Variants in ESR2 observed in about 807,000 individuals in gnomAD.
The protein encoded by ESR2 is estrogen receptor beta.
A neutral mutation model predicts 49.6 loss-of-function variants in ESR2; 36 were observed. The ratio of observed to expected loss-of-function variants is 0.73; its 90% confidence interval spans 0.56 to 0.96. ESR2 has a LOEUF of 0.96. Ranked by LOEUF, ESR2 falls within the 40% of genes least tolerant of loss-of-function variation. ESR2 has a pLI of 0.00. For synonymous variants in ESR2, 320 were observed against 266.1 expected (o/e 1.20, Z -1.97); for missense variants, 714 against 693.0 (o/e 1.03, Z -0.34).
intron 3 of ESR2, among the ~76,000 whole-genome samples, chr14:64,273,172 A>G (rs2076483847): frequency 6.6e-6 from 1 of 152,082 alleles, no homozygotes; most frequent in South Asian, 2.1e-4. Context: ...TAGAAATGCT[A>G]CTGATCCTGC....
intron 1 of ESR2, among the ~76,000 whole-genome samples, chr14:64,290,911 T>C (rs1335800412): frequency 6.6e-6 from 1 of 152,134 alleles, no homozygotes; most frequent in African/African-American, 2.4e-5. Flanking sequence ...CTTATTTAGT[T>C]GGATAGGAAA....
At chr14:64,316,711 AG>A (rs2077260435) in intron 1 of ESR2, among the ~76,000 whole-genome samples, 1 of 152,108 alleles carries the variant, frequency 6.6e-6, no homozygotes, top group Non-Finnish European at 1.5e-5. Flanking sequence ...TTGTAGGCTG[AG>A]GCAAGAGAAT....
chr14:64,284,383 A>G (rs557738595), intron 1 of ESR2, among the ~76,000 whole-genome samples: 1 of 151,264 alleles, frequency 6.6e-6, no homozygotes, highest in Non-Finnish European at 1.5e-5. Flanking sequence ...CTGGAGTGCA[A>G]TGGCGCCATA....
At chr14:64,268,982 A>C (rs943271360) in intron 3 of ESR2, 71 bp from the exon 4 acceptor site, 5 of 856,270 alleles carry the variant, frequency 5.8e-6, no homozygotes, top group Admixed American at 3.7e-5. Context: ...CTGGTCAACA[A>C]CACTGATAAC....
intron 5 of ESR2, among the ~76,000 whole-genome samples, chr14:64,259,065 C>T (rs2076159490): frequency 6.6e-6 from 1 of 152,198 alleles, no homozygotes; most frequent in African/African-American, 2.4e-5. Flanking sequence ...CCACTGCTCT[C>T]CATGTGTGGT....
In ESR2 at chr14:64,285,904, T is replaced by G. The variant is rs1017256198; in HGVS notation, c.-90-2829A>C. On this transcript the variant is annotated intron_variant, in intron 1 of 8. Transcript: ENST00000341099. ...TTTAGCTCCTTGAAAGCAAGTACCA[T>G]TTCTTACTCACCTTGCACTGAAACT... Among the ~76,000 whole-genome samples, 25 of 151,686 alleles carry G rather than the reference T, an allele frequency of 1.6e-4. 1 individual carries two copies. Among genetic ancestry groups the G allele is most frequent in the Middle Eastern group, 3.4e-3 (1 of 292 alleles).
intron 2 of ESR2, among the ~76,000 whole-genome samples, chr14:64,281,790 C>T (rs1163651048): frequency 6.6e-6 from 1 of 152,160 alleles, no homozygotes. Flanking sequence ...TCAACTGAAG[C>T]CTAAACTTCA....
chr14:64,310,274 C>T (rs368785026), intron 1 of ESR2, among the ~76,000 whole-genome samples: 4 of 127,362 alleles, frequency 3.1e-5, no homozygotes, highest in South Asian at 2.3e-4. Context: ...CAAAGTAAGA[C>T]GTCGTCTCAA....
chr14:64,312,358 C>A (rs1490188342), intron 1 of ESR2, among the ~76,000 whole-genome samples: 1 of 152,056 alleles, frequency 6.6e-6, no homozygotes, highest in Non-Finnish European at 1.5e-5. Context: ...CCTAATATAG[C>A]AATAATTACA....
intron 1 of ESR2, among the ~76,000 whole-genome samples, chr14:64,302,328 AG>A (rs1251494270): frequency 6.6e-6 from 1 of 151,806 alleles, no homozygotes; most frequent in Non-Finnish European, 1.5e-5. Context: ...CTGGGACTAC[AG>A]GCTCCTGCCA....
chr14:64,228,556 A>C lies in ESR2; in HGVS notation c.*4581T>G, dbSNP rs2098724485. ...CAAAGCATTCGTCTGAGAAAATGGC[A>C]AATTATAGCCAACCAACAGGCTCTG... is the stretch of plus-strand genomic sequence containing the variant. On this transcript the variant is annotated 3_prime_UTR_variant, in exon 9 of 9. Coordinates refer to ENST00000341099, the MANE Select transcript of ESR2 (RefSeq NM_001437.3). Among the ~76,000 whole-genome samples, 2 of 152,242 alleles carry C rather than the reference A, an allele frequency of 1.3e-5. No individual in the cohort carries two copies. The highest frequency in any genetic ancestry group is 4.8e-5 in the African/African-American group (2 of 41,464).
intron 4 of ESR2, among the ~76,000 whole-genome samples, chr14:64,263,635 C>CAAG (rs2076265981): frequency 6.6e-6 from 1 of 151,738 alleles, no homozygotes; most frequent in Non-Finnish European, 1.5e-5. Context: ...GGTGACAGAG[C>CAAG]AAGACTTGGG....
upstream of ESR2, among the ~76,000 whole-genome samples, chr14:64,295,332 T>A (rs1043325662): frequency 3.3e-5 from 5 of 152,082 alleles, no homozygotes; most frequent in South Asian, 2.1e-4. Flanking sequence ...GGAGGGAAAG[T>A]TTTACAGTAC....
intron 1 of ESR2, among the ~76,000 whole-genome samples, chr14:64,308,596 C>T (rs1430078191): frequency 1.3e-5 from 2 of 151,832 alleles, no homozygotes; most frequent in African/African-American, 4.8e-5. Flanking sequence ...ATAGTATGGC[C>T]TATTTTGATA....
chr14:64,300,074 G>A (rs145271939), intron 1 of ESR2, among the ~76,000 whole-genome samples: 95 of 152,320 alleles, frequency 6.2e-4, no homozygotes, highest in African/African-American at 2.2e-3. Flanking sequence ...TAGGAGGACT[G>A]CTGTCCTGGC....
rs1199499266 is a variant in ESR2, at chr14:64,293,885, T to C, written c.-91+148A>G. The stretch of plus-strand genomic sequence containing the variant: ...TGAAGACATTTAATCAAAGCATGCA[T>C]TTTCCAACTTTCCAGTAGCTTTCAG... On this transcript the variant is annotated intron_variant, in intron 1 of 8. Coordinates refer to ENST00000341099, the MANE Select transcript of ESR2 (RefSeq NM_001437.3). 4 of 152,264 alleles carry C rather than the reference T, an allele frequency of 2.6e-5. 1 individual carries two copies. The highest frequency in any genetic ancestry group is 2.6e-4 in the Admixed American group (4 of 15,292). 9.4% of individuals were successfully genotyped at this position (152,264 alleles called of 1,614,324 possible). A position where few individuals can be genotyped will look rare whatever the true frequency, so the allele number is the denominator to read the frequency against.
rs34313437 is a variant in ESR2, at chr14:64,230,197, C to CA, written c.*2939dup. On this transcript the variant is annotated 3_prime_UTR_variant, in exon 9 of 9. Coordinates refer to ENST00000341099, the MANE Select transcript of ESR2 (RefSeq NM_001437.3). ...GAGCAACAGGAGTCAGACCCTGTCT[C>CA]AAAAAAAAAAAAAAAAAGGTGTCAA... Among the ~76,000 whole-genome samples the CA allele has an allele frequency of 0.031, 3,422 of 110,270 alleles. 52 individuals are homozygous for CA. Among genetic ancestry groups the CA allele is most frequent in the Admixed American group, 0.057 (601 of 10,468 alleles). 72.3% of individuals were successfully genotyped at this position (110,270 alleles called of 152,430 possible).
upstream of ESR2, chr14:64,298,296 G>T (rs1467944510): frequency 6.6e-6 from 1 of 152,166 alleles, no homozygotes; most frequent in Non-Finnish European, 1.5e-5. Context: ...CTATTTTACA[G>T]ATGGGAAAAC....
In ESR2 at chr14:64,233,099, T is replaced by C. The variant is rs769561814; in HGVS notation, c.*38A>G. On this transcript the variant is annotated 3_prime_UTR_variant, in exon 9 of 9. Coordinates refer to ENST00000341099, the MANE Select transcript of ESR2 (RefSeq NM_001437.3). ...ACACACTGGAGTTCACGCTTCAGCC[T>C]GTGACCTCTGTGGGCCAGTTCACCT... 3 of 1,596,686 alleles carry C rather than the reference T, an allele frequency of 1.9e-6. No individual in the cohort carries two copies. The highest frequency in any genetic ancestry group is 4.5e-5 in the East Asian group (2 of 44,472).
Sources: allele counts gnomAD v4.1 joint callset (sites outside exome capture counted in the v4.1 genomes callset), GRCh38; gene constraint gnomAD v4.1.1; transcripts MANE v1.5; gene names NCBI Gene and HGNC (gene_info 2026-07-23, HGNC 2026-07-21).